The following PCYOX1 variants were observed in gnomAD, a reference collection of about 807,000 sequenced individuals.
PCYOX1 encodes prenylcysteine oxidase 1, also known as prenylcysteine lyase.
A neutral mutation model predicts 46.4 loss-of-function variants in PCYOX1; 46 were observed. That is an observed-to-expected ratio of 0.99 (90% confidence interval 0.78 to 1.27). The LOEUF (loss-of-function observed/expected upper bound fraction) is 1.27. Ranked by LOEUF, PCYOX1 falls within the 50% of genes most tolerant of loss-of-function variation. The pLI, the probability that PCYOX1 is intolerant of heterozygous loss-of-function variation, is 0.00. For missense variants in PCYOX1, 658 were observed against 628.3 expected, an observed-to-expected ratio of 1.05 and a Z score of -0.51; for synonymous variants, 220 against 231.8, an observed-to-expected ratio of 0.95 and a Z score of 0.46.
At chr2:70,271,970 A>G (rs1189122413) in intron 3 of PCYOX1, among the ~76,000 whole-genome samples, 1 of 152,240 alleles carries the variant, frequency 6.6e-6, no homozygotes, top group Non-Finnish European at 1.5e-5. Context: ...GAAGGTTCAC[A>G]TTTTAAATTT....
chr2:70,277,371 GAAACTT>G lies in PCYOX1; in HGVS notation c.1501_1506del (p.Leu501_Lys502del). 1.9e-6 allele frequency: 3 copies of G among 1,599,398 alleles called. No homozygotes were observed. Among genetic ancestry groups the G allele is most frequent in the Non-Finnish European group, 2.6e-6 (3 of 1,169,080 alleles). On this transcript the variant is annotated inframe_deletion, in exon 6 of 6. Coordinates refer to ENST00000433351, the MANE Select transcript of PCYOX1 (RefSeq NM_016297.4). Reference sequence around the variant, plus strand: ...TGATTGATCAGGATGGCTTATATGAGAAACTTAAAACTGAACTATGAAGTGACACAC... The same window carrying G: ...TGATTGATCAGGATGGCTTATATGAGAAAACTGAACTATGAAGTGACACAC...
At chr2:70,275,313 G>A in intron 4 of PCYOX1, 143 bp downstream of exon 4, 6 of 845,206 alleles carry the variant, frequency 7.1e-6, no homozygotes, top group Non-Finnish European at 1.1e-5. Context: ...TTGTGCGTAT[G>A]TAGATGTGCA....
In PCYOX1 at chr2:70,274,536, T is replaced by C. The variant is rs1370174720; in HGVS notation, c.495-423T>C. Among the ~76,000 whole-genome samples the C allele has an allele frequency of 4.6e-5, 7 of 151,236 alleles. No homozygotes were observed. The East Asian group carries it at 1.4e-3, about 29-fold the overall frequency. ...TATTTTTCCTTTTTCTTCTTCTTTCTTTCTTCCTTAGTTTCTTTTCTTTTT... is the reference window on the plus strand; with the variant it reads ...TATTTTTCCTTTTTCTTCTTCTTTCCTTCTTCCTTAGTTTCTTTTCTTTTT... On this transcript the variant is annotated intron_variant, in intron 3 of 5. Transcript: ENST00000433351.
At chr2:70,270,101 T>G (rs1417611887) in intron 3 of PCYOX1, among the ~76,000 whole-genome samples, 3 of 151,858 alleles carry the variant, frequency 2.0e-5, no homozygotes. Flanking sequence ...TTCAAGCGAT[T>G]CTCCTGCCTC....
chr2:70,258,494 T>G, intron 1 of PCYOX1: 6 of 241,142 alleles, frequency 2.5e-5, no homozygotes, highest in South Asian at 4.8e-5. Flanking sequence ...GGTGCCCACT[T>G]GAGGAATGGG....
At chr2:70,271,043 A>T (rs1043482782) in intron 3 of PCYOX1, among the ~76,000 whole-genome samples, 14 of 151,940 alleles carry the variant, frequency 9.2e-5, no homozygotes, top group Admixed American at 2.0e-4. Flanking sequence ...ATATTTTTTT[A>T]AAAATTATTA....
chr2:70,265,807 G>A (rs918610702), intron 3 of PCYOX1, among the ~76,000 whole-genome samples: 2 of 152,080 alleles, frequency 1.3e-5, no homozygotes, highest in Admixed American at 1.3e-4. Context: ...AACACTTCTT[G>A]ATCTGAGACT....
At chr2:70,271,234 ATTT>A (rs374086458) in intron 3 of PCYOX1, among the ~76,000 whole-genome samples, 87 of 127,854 alleles carry the variant, frequency 6.8e-4, no homozygotes, top group African/African-American at 2.2e-3. Context: ...TGCCTGGCTA[ATTT>A]TTTTTTTTTT....
intron 3 of PCYOX1, among the ~76,000 whole-genome samples, chr2:70,266,872 C>A (rs1314623752): frequency 1.3e-5 from 2 of 152,180 alleles, no homozygotes; most frequent in African/African-American, 4.8e-5. Flanking sequence ...TCTTTCTACA[C>A]AGACACAGTA....
intron 1 of PCYOX1, 72 bp from the exon 2 acceptor site, chr2:70,259,288 C>G: frequency 2.2e-6 from 3 of 1,384,846 alleles, no homozygotes; most frequent in Admixed American, 1.7e-5. Context: ...TATTGATGGT[C>G]TTTCAAAAAC....
At position 70,277,367 on chromosome 2, in the gene PCYOX1, A is replaced by G; in HGVS notation, c.1493A>G (p.Tyr498Cys). The G allele has an allele frequency of 6.2e-7, 1 of 1,601,162 alleles. No homozygotes were observed. Among genetic ancestry groups the G allele is most frequent in the Non-Finnish European group, 8.5e-7 (1 of 1,170,254 alleles). The change falls in exon 6 of 6, where the codon TAT becomes TGT. Residue 498 changes from tyrosine (Y) to cysteine (C), a missense_variant. Transcript: ENST00000433351. Reference protein sequence around the residue: ...HTDMIDQDGLYEKLKTEL With the variant: ...HTDMIDQDGLCEKLKTEL ...GACATGATTGATCAGGATGGCTTATATGAGAAACTTAAAACTGAACTATGA... is the reference window on the plus strand; with the variant it reads ...GACATGATTGATCAGGATGGCTTATGTGAGAAACTTAAAACTGAACTATGA...
At chr2:70,264,972 C>T (rs1696491641) in intron 3 of PCYOX1, among the ~76,000 whole-genome samples, 1 of 151,860 alleles carries the variant, frequency 6.6e-6, no homozygotes, top group Non-Finnish European at 1.5e-5. Flanking sequence ...TCAAAGTATA[C>T]ACAAGGTGGA....
chr2:70,275,444 G>A (rs1426329160), intron 4 of PCYOX1, 70 bp from the exon 5 acceptor site: 12 of 1,474,176 alleles, frequency 8.1e-6, no homozygotes, highest in East Asian at 6.8e-5. Context: ...ATGTAATTGG[G>A]AAGGGAGAGT....
At chr2:70,269,482 T>G (rs903035794) in intron 3 of PCYOX1, among the ~76,000 whole-genome samples, 5 of 151,986 alleles carry the variant, frequency 3.3e-5, no homozygotes, top group Admixed American at 6.6e-5. Context: ...ACTACAGGCA[T>G]GCACCACCAA....
chr2:70,262,932 G>A (rs1425302229), intron 3 of PCYOX1, among the ~76,000 whole-genome samples: 2 of 151,984 alleles, frequency 1.3e-5, no homozygotes, highest in Admixed American at 1.3e-4. Context: ...TATTGAACAG[G>A]ACAAATATGA....
intron 3 of PCYOX1, among the ~76,000 whole-genome samples, chr2:70,269,966 TTTTTA>T (rs1162798526): frequency 1.2e-4 from 19 of 152,092 alleles, no homozygotes; most frequent in African/African-American, 4.3e-4. Flanking sequence ...CTGGTTTTAT[TTTTTA>T]TTTTTTTTTC....
chr2:70,259,614 C>CCTAT (rs1696407774), intron 2 of PCYOX1, 48 bp downstream of exon 2: 1 of 1,348,332 alleles, frequency 7.4e-7, no homozygotes, highest in African/African-American at 1.4e-5. Context: ...TGTGACATCC[C>CCTAT]CGGATATTTT....
intron 1 of PCYOX1, chr2:70,258,570 G>C: frequency 3.1e-6 from 1 of 325,616 alleles, no homozygotes; most frequent in East Asian, 7.5e-5. Context: ...CTGTCTCTTA[G>C]GTGTGGGGCT....
At position 70,275,558 on chromosome 2, in the gene PCYOX1, G is replaced by C; in HGVS notation, c.751G>C (p.Glu251Gln). 1 of 1,614,160 alleles carries C rather than the reference G, an allele frequency of 6.2e-7. No homozygotes were observed. Among genetic ancestry groups the C allele is most frequent in the Non-Finnish European group, 8.5e-7 (1 of 1,180,012 alleles). Residue 251 changes from glutamate to glutamine, a missense_variant, in exon 5 of 6, where the codon GAA becomes CAA. Physicochemically the swap from Glu to Gln is conservative, Grantham distance 29 (BLOSUM62 2). Coordinates refer to ENST00000433351, the MANE Select transcript of PCYOX1 (RefSeq NM_016297.4). ...SCSDSGLWAV[E>Q]GGNKLVCSGL... Reference sequence around the variant, plus strand: ...TTCTGATTCTGGCCTTTGGGCAGTAGAAGGTGGCAATAAACTTGTTTGCTC... The same window carrying C: ...TTCTGATTCTGGCCTTTGGGCAGTACAAGGTGGCAATAAACTTGTTTGCTC...
Sources: gnomAD v4.1 joint callset for allele counts (sites outside exome capture counted in the v4.1 genomes callset) on GRCh38, gnomAD v4.1.1 for gene constraint, MANE v1.5 for transcripts, NCBI Gene and HGNC (gene_info 2026-07-23, HGNC 2026-07-21) for gene names.